Variants in MCF2L observed in about 807,000 individuals in gnomAD.
The protein encoded by MCF2L is guanine nucleotide exchange factor DBS.
Under a neutral mutation model 153.4 loss-of-function variants are expected in MCF2L, and 97 were observed. The observed-to-expected ratio is 0.63, with a 90% CI of 0.54 to 0.75. MCF2L has a LOEUF of 0.75. Among genes scored for constraint, MCF2L ranks in the 30% least tolerant of loss-of-function variants. The probability of loss-of-function intolerance (pLI) is 0.00; values close to 1 mark genes in which losing one functional copy is unlikely to be tolerated. For missense variants in MCF2L, 1,347 were observed against 1,495.2 expected, an observed-to-expected ratio of 0.90 and a Z score of 1.64; for synonymous variants, 659 against 632.2, an observed-to-expected ratio of 1.04 and a Z score of -0.64.
At chr13:113,014,186 G>A (rs1035092516) in intron 1 of MCF2L, among the ~76,000 whole-genome samples, 17 of 152,348 alleles carry the variant, frequency 1.1e-4, no homozygotes, top group African/African-American at 3.8e-4. Flanking sequence ...CTGGGTGGGG[G>A]GATGGGTGTG....
intron 2 of MCF2L, among the ~76,000 whole-genome samples, chr13:113,018,912 C>T (rs900636930): frequency 2.6e-5 from 4 of 152,202 alleles, no homozygotes; most frequent in East Asian, 1.9e-4. Flanking sequence ...GCATGGTCAG[C>T]GGTGGCCATC....
At chr13:113,044,229 A>AT (rs2086667029) in intron 3 of MCF2L, 1 of 245,500 alleles carries the variant, frequency 4.1e-6, no homozygotes, top group Admixed American at 4.9e-5. Context: ...CATGTGAGGC[A>AT]TTTTTCACGG....
intron 2 of MCF2L, among the ~76,000 whole-genome samples, chr13:112,933,842 T>C (rs2081487960): frequency 6.6e-6 from 1 of 152,222 alleles, no homozygotes; most frequent in Admixed American, 6.5e-5. Context: ...AGGCCGAGGA[T>C]ACATTTCTTA....
chr13:112,961,285 C>G (rs2081822658), intron 2 of MCF2L, among the ~76,000 whole-genome samples: 1 of 152,238 alleles, frequency 6.6e-6, no homozygotes, highest in South Asian at 2.1e-4. Flanking sequence ...TAAAATACAA[C>G]TGGGCACTAA....
At chr13:113,051,804 G>T (rs2087349990) in intron 4 of MCF2L, among the ~76,000 whole-genome samples, 1 of 152,184 alleles carries the variant, frequency 6.6e-6, no homozygotes, top group South Asian at 2.1e-4. Flanking sequence ...CTCACCTGGC[G>T]AGGGGAGAGT....
rs1288811160 is a variant in MCF2L at position 113,097,364 on chromosome 13, A to G, written c.*505A>G. ...CTTCACCAGGAATCACTGTGTTTAC[A>G]TGAAATGACAATTTGATACTGTATT... On this transcript the variant is annotated 3_prime_UTR_variant, in exon 30 of 30. Transcript: ENST00000535094. 1 of 153,746 alleles carries G rather than the reference A, an allele frequency of 6.5e-6. No homozygotes were observed. The highest frequency in any genetic ancestry group is 1.9e-4 in the East Asian group (1 of 5,232). 9.5% of individuals were successfully genotyped at this position (153,746 alleles called of 1,614,324 possible). A position where few individuals can be genotyped will look rare whatever the true frequency, so the allele number is the denominator to read the frequency against.
chr13:113,008,473 T>C (rs980558904), intron 1 of MCF2L, among the ~76,000 whole-genome samples: 3 of 152,218 alleles, frequency 2.0e-5, no homozygotes, highest in African/African-American at 7.2e-5. Context: ...CCGTAACTCA[T>C]GGAATTAAGT....
Position 113,098,997 on chromosome 13 carries a change from CATCGGATCAGACGTGACAAGT to C in MCF2L, c.*2139_*2159del. 1 of 152,376 alleles carries C rather than the reference CATCGGATCAGACGTGACAAGT, an allele frequency of 6.6e-6. No homozygotes were observed. Among genetic ancestry groups the C allele is most frequent in the Middle Eastern group, 3.4e-3 (1 of 294 alleles). The allele number at this position is 152,376 out of a possible 1,614,324, so 9.4% of individuals were successfully genotyped here. ...ATCATGTTATGCTGGCCTGGAAGAG[CATCGGATCAGACGTGACAAGT>C]CACTGCTTAGAGACCATCAAGCAAA... On this transcript the variant is annotated 3_prime_UTR_variant, in exon 30 of 30. Transcript: ENST00000535094.
At chr13:113,048,406 C>A (rs1273133586) in intron 4 of MCF2L, among the ~76,000 whole-genome samples, 2 of 151,898 alleles carry the variant, frequency 1.3e-5, no homozygotes, top group African/African-American at 4.8e-5. Flanking sequence ...TCTCTGAACA[C>A]CAGTGCTTTC....
chr13:112,918,837 C>A (rs148976490), intron 2 of MCF2L, among the ~76,000 whole-genome samples: 3 of 152,104 alleles, frequency 2.0e-5, no homozygotes, highest in Non-Finnish European at 4.4e-5. Context: ...CAGACTTTCA[C>A]GAGCGGGGTC....
intron 1 of MCF2L, among the ~76,000 whole-genome samples, chr13:112,897,304 A>G (rs542169454): frequency 3.3e-5 from 5 of 152,090 alleles, no homozygotes; most frequent in Admixed American, 2.6e-4. Context: ...GAGGGCCACC[A>G]TCGTGAACGT....
intron 4 of MCF2L, among the ~76,000 whole-genome samples, chr13:113,057,577 TTGAG>T (rs1178959714): frequency 1.4e-5 from 2 of 139,738 alleles, no homozygotes; most frequent in Non-Finnish European, 3.1e-5. Flanking sequence ...TGCTGTGTGT[TTGAG>T]TGGTGTGTGT....
At position 112,940,939 on chromosome 13, in the gene MCF2L, G is replaced by A. The variant is rs1458471329; in HGVS notation, c.169+38568G>A. ...CTTTCTTTGCTCTGGGGTCATGATC[G>A]CTGAGCCCACCCTCCTCCTTGTACA... is the stretch of plus-strand genomic sequence containing the variant. On this transcript the variant is annotated intron_variant, in intron 2 of 29. Coordinates refer to the MCF2L transcript ENST00000375608. 3.3e-5 allele frequency among the ~76,000 whole-genome samples: 5 copies of A among 152,122 alleles called. No homozygotes were observed. In the East Asian group the frequency reaches 5.8e-4, roughly 18 times the overall value.
intron 2 of MCF2L, among the ~76,000 whole-genome samples, chr13:112,935,243 A>G (rs1280670789): frequency 6.6e-6 from 1 of 152,176 alleles, no homozygotes; most frequent in Non-Finnish European, 1.5e-5. Flanking sequence ...AGTATTCAAT[A>G]AATTACATGA....
intron 23 of MCF2L, among the ~76,000 whole-genome samples, chr13:113,088,104 G>A (rs569789801): frequency 9.2e-5 from 14 of 152,320 alleles, no homozygotes; most frequent in Admixed American, 6.5e-4. Context: ...GGAGGGTGCC[G>A]TGCCCTGGGT....
chr13:112,977,319 G>A (rs1314849364), intron 1 of MCF2L, among the ~76,000 whole-genome samples: 1 of 152,084 alleles, frequency 6.6e-6, no homozygotes, highest in African/African-American at 2.4e-5. Context: ...CAACCAGCGG[G>A]GTGACAGGAA....
intron 4 of MCF2L, among the ~76,000 whole-genome samples, chr13:113,047,652 C>T (rs2086899108): frequency 6.6e-6 from 1 of 152,226 alleles, no homozygotes; most frequent in African/African-American, 2.4e-5. Flanking sequence ...TGCCAGGGCA[C>T]TTGCGGTGTC....
At chr13:112,952,409 C>T (rs2081704422) in intron 2 of MCF2L, among the ~76,000 whole-genome samples, 1 of 152,168 alleles carries the variant, frequency 6.6e-6, no homozygotes, top group Non-Finnish European at 1.5e-5. Flanking sequence ...TGATCGTGAA[C>T]TTGCTGCATC....
At chr13:112,999,995 C>T (rs112547885) in intron 1 of MCF2L, among the ~76,000 whole-genome samples, 11 of 94,094 alleles carry the variant, frequency 1.2e-4, no homozygotes, top group South Asian at 7.1e-4. Context: ...GCGAGTGGGC[C>T]GGGAATGAAG....
Sources: allele counts gnomAD v4.1 joint callset (sites outside exome capture counted in the v4.1 genomes callset), GRCh38; gene constraint gnomAD v4.1.1; transcripts MANE v1.5; gene names NCBI Gene and HGNC (gene_info 2026-07-23, HGNC 2026-07-21).